The following PTER variants were observed in gnomAD, a reference collection of about 807,000 sequenced individuals.
PTER encodes the protein N-acetyltaurine hydrolase.
PTER carries 38 observed loss-of-function variants against 29.6 expected under a neutral mutation model. The ratio of observed to expected loss-of-function variants is 1.28; its 90% confidence interval spans 0.99 to 1.68. The LOEUF (loss-of-function observed/expected upper bound fraction) is 1.68. Ranked by LOEUF, PTER falls within the 40% of genes most tolerant of loss-of-function variation. PTER has a pLI of 0.00. For missense variants in PTER, 482 were observed against 427.8 expected (o/e 1.13, Z -1.12); for synonymous variants, 172 against 154.5 (o/e 1.11, Z -0.84).
intron 1 of PTER, among the ~76,000 whole-genome samples, chr10:16,441,985 G>A (rs1007870706): frequency 2.6e-5 from 4 of 152,008 alleles, no homozygotes; most frequent in Admixed American, 6.6e-5. Context: ...ACTGTTAAAA[G>A]AGTAATTATT....
intron 1 of PTER, among the ~76,000 whole-genome samples, chr10:16,443,699 C>T (rs977071330): frequency 1.3e-5 from 2 of 152,172 alleles, no homozygotes; most frequent in Admixed American, 6.5e-5. Context: ...CATAATCAAG[C>T]GTACCTTGCA....
intron 3 of PTER, among the ~76,000 whole-genome samples, chr10:16,488,487 C>T (rs1477592116): frequency 2.0e-5 from 3 of 151,816 alleles, no homozygotes; most frequent in African/African-American, 7.3e-5. Flanking sequence ...TTCTTAAAAG[C>T]GTTGCATTCT....
chr10:16,452,677 A>ATTCTCCTTCTCC (rs149744029), intron 1 of PTER, among the ~76,000 whole-genome samples: 1 of 150,088 alleles, frequency 6.7e-6, no homozygotes, highest in Non-Finnish European at 1.5e-5. Context: ...GCTGATGATG[A>ATTCTCCTTCTCC]TTCTCCTTCT....
intron 1 of PTER, among the ~76,000 whole-genome samples, chr10:16,452,668 CTGA>C (rs755412481): frequency 3.3e-4 from 50 of 151,610 alleles, no homozygotes; most frequent in African/African-American, 1.1e-3. Context: ...GCTGCTGCTG[CTGA>C]TGATGATTCT....
rs552956944 is a variant in PTER, at chr10:16,469,698, C to T, written c.-48-14639C>T. On this transcript the variant is annotated intron_variant, in intron 1 of 4. Coordinates refer to ENST00000535784, the MANE Select transcript of PTER (RefSeq NM_001261836.2). ...CAAGTGATCCTTCTGCCTCAGCCTC[C>T]TGTGTAGGTGGGACCACAGGTGCAT... Among the ~76,000 whole-genome samples the T allele has an allele frequency of 2.2e-4, 34 of 152,202 alleles. No individual in the cohort carries two copies. The South Asian group carries it at 7.1e-3, about 32-fold the overall frequency.
In PTER at chr10:16,440,964, C is replaced by A. The variant is rs796755600; in HGVS notation, c.-49+3917C>A. ...TACCTTGGGAGCTGTGGGGAGGGCC[C>A]TGAAAGAGGCTTGTCCTATGAATCA... On this transcript the variant is annotated intron_variant, in intron 1 of 4. Coordinates refer to ENST00000535784, the MANE Select transcript of PTER (RefSeq NM_001261836.2). Among the ~76,000 whole-genome samples, 9 of 152,170 alleles carry A rather than the reference C, an allele frequency of 5.9e-5. No individual in the cohort carries two copies. The South Asian group carries it at 1.9e-3, about 31-fold the overall frequency.
intron 1 of PTER, among the ~76,000 whole-genome samples, chr10:16,441,645 G>A (rs1021223363): frequency 2.6e-4 from 40 of 152,210 alleles, no homozygotes; most frequent in African/African-American, 8.0e-4. Flanking sequence ...ATAGTCAGGC[G>A]AGTGATATGA....
chr10:16,514,623 C>T, downstream of PTER: 1 of 1,613,862 alleles, frequency 6.2e-7, no homozygotes, highest in Non-Finnish European at 8.5e-7. Flanking sequence ...TAGACTTCAT[C>T]TCCCGGCTCC....
intron 3 of PTER, among the ~76,000 whole-genome samples, chr10:16,489,443 A>G (rs957219504): frequency 6.6e-6 from 1 of 151,962 alleles, no homozygotes; most frequent in African/African-American, 2.4e-5. Context: ...TCTGGCTGTC[A>G]TTGATAGGAG....
intron 1 of PTER, among the ~76,000 whole-genome samples, chr10:16,456,154 C>G (rs1156840370): frequency 6.6e-6 from 1 of 152,172 alleles, no homozygotes; most frequent in Non-Finnish European, 1.5e-5. Context: ...TAAATCTGTT[C>G]ACCTGTGTTT....
chr10:16,514,314 C>T (rs761792935), downstream of PTER: 9 of 574,534 alleles, frequency 1.6e-5, no homozygotes, highest in Admixed American at 3.2e-5. Context: ...TTTGCTTTGG[C>T]GGTAGTGGAT....
At chr10:16,498,568 G>A (rs1836205593) in intron 3 of PTER, among the ~76,000 whole-genome samples, 1 of 152,312 alleles carries the variant, frequency 6.6e-6, no homozygotes, top group East Asian at 1.9e-4. Flanking sequence ...GTGTGACGGA[G>A]CGAGACTGTC....
chr10:16,465,826 G>T (rs1834790347), intron 1 of PTER, among the ~76,000 whole-genome samples: 1 of 152,148 alleles, frequency 6.6e-6, no homozygotes, highest in Non-Finnish European at 1.5e-5. Flanking sequence ...AATTGTGGTG[G>T]AAGGGGAATC....
At chr10:16,476,901 C>CTTTTTTTTTT (rs1010674988) in intron 1 of PTER, among the ~76,000 whole-genome samples, 2 of 100,368 alleles carry the variant, frequency 2.0e-5, no homozygotes, top group African/African-American at 9.0e-5. Context: ...TCCTAGAATT[C>CTTTTTTTTTT]TTTTTTTTTT....
At chr10:16,518,954 A>G in the PTER span, among the ~76,000 whole-genome samples, 1 of 151,914 alleles carries the variant, frequency 6.6e-6, no homozygotes, top group African/African-American at 2.4e-5. Flanking sequence ...TGTTCTGTGA[A>G]TAATTTTTAT....
chr10:16,438,469 G>GGT (rs1554784923), intron 1 of PTER, among the ~76,000 whole-genome samples: 114 of 95,024 alleles, frequency 1.2e-3, no homozygotes, highest in Middle Eastern at 5.7e-3. Context: ...TCTGTTTTTT[G>GGT]TTTTTTTTTT....
intron 1 of PTER, among the ~76,000 whole-genome samples, chr10:16,439,993 A>T (rs1430488039): frequency 6.6e-6 from 1 of 152,058 alleles, no homozygotes; most frequent in African/African-American, 2.4e-5. Context: ...TTCATACATC[A>T]AATGTGGCTT....
At chr10:16,490,952 A>G (rs1279566606) in intron 3 of PTER, among the ~76,000 whole-genome samples, 2 of 152,058 alleles carry the variant, frequency 1.3e-5, no homozygotes, top group African/African-American at 4.8e-5. Flanking sequence ...ATATATGTAT[A>G]CACTACACCT....
intron 3 of PTER, among the ~76,000 whole-genome samples, chr10:16,489,933 T>G (rs1835838295): frequency 2.0e-5 from 3 of 152,296 alleles, no homozygotes; most frequent in Non-Finnish European, 4.4e-5. Flanking sequence ...AAGGGAGACT[T>G]TTTCTCAACT....
Sources: gnomAD v4.1 joint callset for allele counts (sites outside exome capture counted in the v4.1 genomes callset) on GRCh38, gnomAD v4.1.1 for gene constraint, MANE v1.5 for transcripts, NCBI Gene and HGNC (gene_info 2026-07-23, HGNC 2026-07-21) for gene names.